Variants in MAGI2 observed in about 807,000 individuals in gnomAD.
MAGI2 encodes membrane associated guanylate kinase, WW and PDZ domain containing 2.
Under a neutral mutation model 133.3 loss-of-function variants are expected in MAGI2, and 35 were observed. The ratio of observed to expected loss-of-function variants is 0.26; its 90% CI spans 0.20 to 0.35. The LOEUF is 0.35. Ranked by LOEUF, MAGI2 falls within the 10% of genes least tolerant of loss-of-function variation. The pLI, the probability that MAGI2 is intolerant of heterozygous loss-of-function variation, is 1.00. For synonymous variants in MAGI2, 729 were observed against 710.6 expected (o/e 1.03, Z -0.41); for missense variants, 1,636 against 1,863.4 (o/e 0.88, Z 2.25).
intron 9 of MAGI2, among the ~76,000 whole-genome samples, chr7:78,331,440 G>C (rs776787558): frequency 2.1e-4 from 32 of 152,208 alleles, no homozygotes; most frequent in Non-Finnish European, 3.2e-4. Context: ...ATCTAGCTGT[G>C]CTCACTTTGG....
chr7:78,676,480 G>A (rs1815037953), intron 2 of MAGI2, among the ~76,000 whole-genome samples: 2 of 152,042 alleles, frequency 1.3e-5, no homozygotes, highest in South Asian at 4.1e-4. Context: ...TATTGGAAAA[G>A]CCAACTTACA....
At chr7:78,884,551 G>A (rs1032599694) in intron 2 of MAGI2, among the ~76,000 whole-genome samples, 1 of 151,996 alleles carries the variant, frequency 6.6e-6, no homozygotes, top group Admixed American at 6.6e-5. Flanking sequence ...CATACAGGCA[G>A]CTAACAAACA....
At chr7:79,095,479 A>C (rs1817438380) in intron 1 of MAGI2, among the ~76,000 whole-genome samples, 1 of 152,110 alleles carries the variant, frequency 6.6e-6, no homozygotes, top group South Asian at 2.1e-4. Flanking sequence ...TTCCTCACTA[A>C]GCCTAATCAT....
intron 10 of MAGI2, among the ~76,000 whole-genome samples, chr7:78,241,950 TTCACCTGA>T (rs1791192649): frequency 6.6e-6 from 1 of 150,832 alleles, no homozygotes; most frequent in Admixed American, 6.6e-5. Flanking sequence ...AAAAAAAGAT[TTCACCTGA>T]TCACCTGATG....
chr7:78,824,821 T>G (rs1790476547), intron 2 of MAGI2, among the ~76,000 whole-genome samples: 1 of 152,184 alleles, frequency 6.6e-6, no homozygotes, highest in African/African-American at 2.4e-5. Context: ...CCAACCCAAG[T>G]GCCCATCGAT....
chr7:79,005,858 C>A (rs1807383853), intron 2 of MAGI2, among the ~76,000 whole-genome samples: 1 of 152,164 alleles, frequency 6.6e-6, no homozygotes, highest in Admixed American at 6.5e-5. Flanking sequence ...CAGAGTTAAA[C>A]CATGGGTCCA....
chr7:79,401,734 A>T (rs1845484583), intron 1 of MAGI2, among the ~76,000 whole-genome samples: 1 of 152,182 alleles, frequency 6.6e-6, no homozygotes, highest in Admixed American at 6.5e-5. Context: ...AAGATTTTTT[A>T]AAATGACACC....
chr7:78,400,856 T>C (rs1352654390), intron 6 of MAGI2, among the ~76,000 whole-genome samples: 1 of 152,182 alleles, frequency 6.6e-6, no homozygotes, highest in Non-Finnish European at 1.5e-5. Flanking sequence ...TTTAAGTTTA[T>C]GTATATTATT....
intron 2 of MAGI2, among the ~76,000 whole-genome samples, chr7:78,799,320 C>T (rs1787870146): frequency 6.6e-6 from 1 of 152,100 alleles, no homozygotes; most frequent in African/African-American, 2.4e-5. Flanking sequence ...CTGGTTTGGC[C>T]TTTATGAGCA....
chr7:78,485,060 A>G (rs1481296140), intron 6 of MAGI2: 2 of 152,028 alleles, frequency 1.3e-5, no homozygotes, highest in Non-Finnish European at 2.9e-5. Context: ...TAACCCAGCA[A>G]TGCTCATGGG....
intron 1 of MAGI2, among the ~76,000 whole-genome samples, chr7:79,028,189 T>G (rs1810092349): frequency 7.6e-6 from 1 of 130,766 alleles, no homozygotes; most frequent in South Asian, 2.5e-4. Context: ...TCCAGCCTGG[T>G]GACAAAGCGA....
chr7:79,289,763 GATTTCC>G (rs757155322), intron 1 of MAGI2, among the ~76,000 whole-genome samples: 68 of 152,134 alleles, frequency 4.5e-4, no homozygotes, highest in Non-Finnish European at 8.5e-4. Context: ...CAGGAAATCT[GATTTCC>G]ATTTCTGCAG....
chr7:78,565,668 G>T (rs1800873112), intron 3 of MAGI2, among the ~76,000 whole-genome samples: 1 of 151,866 alleles, frequency 6.6e-6, no homozygotes, highest in African/African-American at 2.4e-5. Context: ...CTTACTATTG[G>T]CCTTACTTCA....
At chr7:78,332,293 T>C (rs1789289755) in intron 9 of MAGI2, among the ~76,000 whole-genome samples, 2 of 152,240 alleles carry the variant, frequency 1.3e-5, no homozygotes, top group South Asian at 2.1e-4. Context: ...AAGCATAGCA[T>C]GGTTTTAAGA....
intron 2 of MAGI2, among the ~76,000 whole-genome samples, chr7:78,725,412 T>C (rs1820672206): frequency 6.6e-6 from 1 of 152,238 alleles, no homozygotes; most frequent in African/African-American, 2.4e-5. Context: ...TTTTTAAAAA[T>C]AAATCCCCAT....
chr7:78,135,980 ACTG>A (rs1204699886), intron 16 of MAGI2, among the ~76,000 whole-genome samples: 1 of 152,358 alleles, frequency 6.6e-6, no homozygotes, highest in Admixed American at 6.5e-5. Context: ...AAAAAGAAAC[ACTG>A]CTAACTAAAT....
chr7:79,435,643 C>T (rs1299824878), intron 1 of MAGI2, among the ~76,000 whole-genome samples: 3 of 152,040 alleles, frequency 2.0e-5, no homozygotes, highest in African/African-American at 4.8e-5. Flanking sequence ...ATTCCATGCT[C>T]GTGAATTGGC....
intron 2 of MAGI2, among the ~76,000 whole-genome samples, chr7:78,833,851 A>C (rs1326523118): frequency 6.6e-6 from 1 of 152,198 alleles, no homozygotes; most frequent in Non-Finnish European, 1.5e-5. Flanking sequence ...TTGAGAACAA[A>C]GTGATCACTT....
chr7:78,036,566 T>C (rs1003219778), intron 21 of MAGI2, among the ~76,000 whole-genome samples: 3 of 152,194 alleles, frequency 2.0e-5, no homozygotes, highest in African/African-American at 4.8e-5. Flanking sequence ...CAGAGGTTCA[T>C]AGAAGTTAAG....
Sources: gnomAD v4.1 joint callset for allele counts (sites outside exome capture counted in the v4.1 genomes callset) on GRCh38, gnomAD v4.1.1 for gene constraint, MANE v1.5 for transcripts, NCBI Gene and HGNC (gene_info 2026-07-23, HGNC 2026-07-21) for gene names.